Variants in PRMT1 observed in about 807,000 individuals in gnomAD.
PRMT1 encodes the protein protein arginine methyltransferase 1, also known as protein arginine N-methyltransferase 1.
In PRMT1, 5 loss-of-function variants were observed where a neutral mutation model predicts 47.4. The ratio of observed to expected loss-of-function variants is 0.11; its 90% CI spans 0.06 to 0.22. The LOEUF (loss-of-function observed/expected upper bound fraction) is 0.22, where lower values mean the gene tolerates loss of function less well. Ranked by LOEUF, PRMT1 falls within the 10% of genes least tolerant of loss-of-function variation. The pLI is 1.00. For synonymous variants in PRMT1, 227 were observed against 204.6 expected, an observed-to-expected ratio of 1.11 and a Z score of -0.94; for missense variants, 249 against 518.4, an observed-to-expected ratio of 0.48 and a Z score of 5.05.
rs370870590 is a variant in PRMT1 at position 49,688,227 on chromosome 19, C to T, written c.1098C>T (p.Thr366=). 1.3e-4 allele frequency: 208 copies of T among 1,613,812 alleles called. No individual in the cohort carries two copies. Among genetic ancestry groups the T allele is most frequent in the Non-Finnish European group, 1.6e-4 (192 of 1,179,914 alleles). ...KGQLCELSCS[T]DYRMR ...AGCTGTGCGAGCTGTCCTGCTCCAC[C>T]GACTACCGGATGCGCTGAGGCCCGG... Residue 366 remains threonine (T), a synonymous_variant, in exon 11 of 11, where the codon ACC becomes ACT. Transcript: ENST00000454376. The surrounding 1 kb of genome is among the most constrained non-coding windows in gnomAD (Gnocchi z 5.3).
rs2082240014 is a variant in PRMT1, at chr19:49,688,150, C to T, written c.1033-12C>T. The T allele has an allele frequency of 3.7e-6, 6 of 1,613,618 alleles. No individual in the cohort carries two copies. In the East Asian group the frequency reaches 1.3e-4, roughly 36 times the overall value. On this transcript the variant is annotated splice_polypyrimidine_tract_variant and intron_variant, in intron 10 of 10. Transcript: ENST00000454376. The surrounding 1 kb of genome is among the most constrained non-coding windows in gnomAD (Gnocchi z 5.3). ...GGTGGGTTCCGCCCTCATGCCCCAC[C>T]TCTCCCTGCAGCGGGACCTGGACTT...
Position 49,684,626 on chromosome 19 carries a change from G to T in PRMT1, c.556-128G>T. ...CGGCCGTGTGGGAAATAGACCAGGG[G>T]GCGAGGGGTGAGTGCCGCTGCGACA... On this transcript the variant is annotated intron_variant, in intron 6 of 10. Coordinates refer to ENST00000454376, the MANE Select transcript of PRMT1 (RefSeq NM_001536.6). The surrounding 1 kb of genome is among the most constrained non-coding windows in gnomAD (Gnocchi z 6.2). 9.1e-7 allele frequency: 1 copy of T among 1,092,978 alleles called. No homozygotes were observed. Among genetic ancestry groups the T allele is most frequent in the Non-Finnish European group, 1.3e-6 (1 of 754,816 alleles). 67.7% of individuals were successfully genotyped at this position (1,092,978 alleles called of 1,614,324 possible). A position where few individuals can be genotyped will look rare whatever the true frequency, so the allele number is the denominator to read the frequency against.
At chr19:49,677,340 G>T (rs759449611) in intron 1 of PRMT1, 24 bp downstream of exon 1, 11 of 1,388,912 alleles carry the variant, frequency 7.9e-6, no homozygotes, top group Non-Finnish European at 1.0e-5. Context: ...GCGCCGCCGT[G>T]GGCGGGAGGC....
Position 49,685,324 on chromosome 19 carries a change from G to C in PRMT1, c.759+287G>C. ...CCATGCACGGAAAGGCAGGACCCCAGGGCGATGAGCGGATGCACATGCACG... is the reference window on the plus strand; with the variant it reads ...CCATGCACGGAAAGGCAGGACCCCACGGCGATGAGCGGATGCACATGCACG... On this transcript the variant is annotated intron_variant, in intron 8 of 10. Transcript: ENST00000454376. This position sits in a 1 kb window ranked among gnomAD's most constrained non-coding sequence, Gnocchi z 4.7. 3.0e-6 allele frequency: 4 copies of C among 1,348,192 alleles called. No homozygotes were observed. Among genetic ancestry groups the C allele is most frequent in the Non-Finnish European group, 3.8e-6 (4 of 1,042,974 alleles). 83.5% of individuals were successfully genotyped at this position (1,348,192 alleles called of 1,614,324 possible).
upstream of PRMT1, among the ~76,000 whole-genome samples, chr19:49,676,684 G>A (rs1017468485): frequency 1.2e-3 from 187 of 152,286 alleles, 4 homozygotes; most frequent in Middle Eastern, 3.4e-3. Flanking sequence ...ACTCCCCCCG[G>A]GTTGGGAGGA....
At position 49,685,411 on chromosome 19, in the gene PRMT1, T is replaced by G; in HGVS notation, c.759+374T>G. ...TCCGAGATGTGCCTGAGGTCCCAGC[T>G]ACTCGGGAGGATCACTTGGGCCTGG... On this transcript the variant is annotated intron_variant, in intron 8 of 10. Coordinates refer to ENST00000454376, the MANE Select transcript of PRMT1 (RefSeq NM_001536.6). The surrounding 1 kb of genome is among the most constrained non-coding windows in gnomAD (Gnocchi z 4.7). 8.3e-7 allele frequency: 1 copy of G among 1,199,122 alleles called. No homozygotes were observed. The highest frequency in any genetic ancestry group is 1.0e-6 in the Non-Finnish European group (1 of 953,758). 74.3% of individuals were successfully genotyped at this position (1,199,122 alleles called of 1,614,324 possible). A position where few individuals can be genotyped will look rare whatever the true frequency, so the allele number is the denominator to read the frequency against.
intron 5 of PRMT1, chr19:49,683,548 C>T (rs2082153796): frequency 5.5e-6 from 1 of 180,382 alleles, no homozygotes; most frequent in South Asian, 9.7e-5. Flanking sequence ...ATTAGCCGGA[C>T]TTGGTGGCTG....
chr19:49,687,340 G>T (rs564675928), intron 10 of PRMT1, among the ~76,000 whole-genome samples: 1 of 152,188 alleles, frequency 6.6e-6, no homozygotes, highest in South Asian at 2.1e-4. Context: ...AGGATGGAAG[G>T]CTTGGAGCCT....
rs745797058 is a variant in PRMT1, at chr19:49,683,916, T to C, written c.413-11T>C. 2.5e-5 allele frequency: 41 copies of C among 1,610,202 alleles called. 1 individual carries two copies. The South Asian group carries it at 4.5e-4, about 18-fold the overall frequency. On this transcript the variant is annotated splice_polypyrimidine_tract_variant and intron_variant, in intron 5 of 10. Coordinates refer to ENST00000454376, the MANE Select transcript of PRMT1 (RefSeq NM_001536.6). ...CCGGGGGCTGACGTGGCCACCCTTG[T>C]CCGCCCGCAGTGGTGACCATCATCA...
intron 1 of PRMT1, among the ~76,000 whole-genome samples, chr19:49,679,367 GC>G (rs2122935430): frequency 6.6e-6 from 1 of 152,286 alleles, no homozygotes; most frequent in African/African-American, 2.4e-5. Flanking sequence ...GTACCCGTGT[GC>G]CACACCTCTA....
Position 49,682,612 on chromosome 19 carries a change from T to TA in PRMT1, c.412+354dup, listed in dbSNP as rs375343389. Among the ~76,000 whole-genome samples the TA allele has an allele frequency of 1.2e-3, 186 of 152,226 alleles. 1 individual carries two copies. Among genetic ancestry groups the TA allele is most frequent in the African/African-American group, 4.3e-3 (177 of 41,532 alleles). ...AAGTCTGGACCTACAAACACATACA[T>TA]ACGTAAATGCATTTACATTCTCGTG... On this transcript the variant is annotated intron_variant, in intron 5 of 10. Coordinates refer to ENST00000454376, the MANE Select transcript of PRMT1 (RefSeq NM_001536.6).
chr19:49,682,088 C>A (rs200816831), intron 4 of PRMT1, 23 bp downstream of exon 4: 2 of 1,613,398 alleles, frequency 1.2e-6, no homozygotes, highest in Admixed American at 3.3e-5. Context: ...GGTGGCCAGG[C>A]GGGGCCGGGC....
intron 9 of PRMT1, 126 bp from the exon 10 acceptor site, chr19:49,686,479 G>C (rs1034831918): frequency 8.0e-7 from 1 of 1,242,754 alleles, no homozygotes; most frequent in African/African-American, 1.5e-5. Context: ...CTCAATGACA[G>C]GGAGGTGACT....
In PRMT1 at chr19:49,685,311, A is replaced by G. The variant is rs2082188718; in HGVS notation, c.759+274A>G. 1.5e-6 allele frequency: 2 copies of G among 1,373,686 alleles called. No homozygotes were observed. The highest frequency in any genetic ancestry group is 1.5e-5 in the African/African-American group (1 of 68,462). The allele number at this position is 1,373,686 out of a possible 1,614,324, so 85.1% of individuals were successfully genotyped here. A position where few individuals can be genotyped will look rare whatever the true frequency, so the allele number is the denominator to read the frequency against. ...TAAAGCCCACAGCCCATGCACGGAA[A>G]GGCAGGACCCCAGGGCGATGAGCGG... On this transcript the variant is annotated intron_variant, in intron 8 of 10. Coordinates refer to ENST00000454376, the MANE Select transcript of PRMT1 (RefSeq NM_001536.6). The surrounding 1 kb of genome is among the most constrained non-coding windows in gnomAD (Gnocchi z 4.7).
At position 49,684,235 on chromosome 19, in the gene PRMT1, G is replaced by A. The variant is rs986739399; in HGVS notation, c.555+166G>A. Among the ~76,000 whole-genome samples the A allele has an allele frequency of 6.6e-6, 1 of 151,964 alleles. No homozygotes were observed. The highest frequency in any genetic ancestry group is 2.4e-5 in the African/African-American group (1 of 41,356). The stretch of plus-strand genomic sequence containing the variant: ...GGTGTGACAGACCCTGGAGGGAGAT[G>A]GTGCGATGTGGGGGAGGTCGTAGGA... On this transcript the variant is annotated intron_variant, in intron 6 of 10. Transcript: ENST00000454376. This position sits in a 1 kb window ranked among gnomAD's most constrained non-coding sequence, Gnocchi z 6.2.
In PRMT1 at chr19:49,677,280, G is replaced by A. The variant is rs368170311; in HGVS notation, c.-1G>A. 104 of 1,419,216 alleles carry A rather than the reference G, an allele frequency of 7.3e-5. No individual in the cohort carries two copies. The highest frequency in any genetic ancestry group is 8.9e-5 in the Non-Finnish European group (96 of 1,083,322). The allele number at this position is 1,419,216 out of a possible 1,614,324, so 87.9% of individuals were successfully genotyped here. ...CGGAGGAGGAGTAGGTGCGGGTGAA[G>A]ATGGCGGCAGCCGAGGCCGCGAACT... On this transcript the variant is annotated 5_prime_UTR_variant, in exon 1 of 11. Coordinates refer to ENST00000454376, the MANE Select transcript of PRMT1 (RefSeq NM_001536.6).
rs1194936487 is a variant in PRMT1, at chr19:49,685,969, A to G, written c.760-124A>G. 2.4e-5 allele frequency: 36 copies of G among 1,487,238 alleles called. No individual in the cohort carries two copies. The highest frequency in any genetic ancestry group is 3.1e-5 in the Non-Finnish European group (35 of 1,125,834). 92.1% of individuals were successfully genotyped at this position (1,487,238 alleles called of 1,614,324 possible). A position where few individuals can be genotyped will look rare whatever the true frequency, so the allele number is the denominator to read the frequency against. On this transcript the variant is annotated intron_variant, in intron 8 of 10. Coordinates refer to ENST00000454376, the MANE Select transcript of PRMT1 (RefSeq NM_001536.6). This position sits in a 1 kb window ranked among gnomAD's most constrained non-coding sequence, Gnocchi z 4.7. ...GAAGGAGGAGCCGAGGCTGGGTGCC[A>G]GTGAGGGAGGGCTAGCAGGAAGGGG...
At chr19:49,676,497 T>G (rs1192549899), upstream of PRMT1, 2 of 152,076 alleles carry the variant, frequency 1.3e-5, no homozygotes, top group African/African-American at 2.4e-5. Context: ...TGAGAGGGGT[T>G]GATGGTTTTA....
rs2082098905 is a variant in PRMT1 at position 49,680,356 on chromosome 19, G to A, written c.91-131G>A. 12 of 1,046,162 alleles carry A rather than the reference G, an allele frequency of 1.1e-5. 1 individual carries two copies. In the South Asian group the frequency reaches 1.6e-4, roughly 14 times the overall value. The allele number at this position is 1,046,162 out of a possible 1,614,324, so 64.8% of individuals were successfully genotyped here. A position where few individuals can be genotyped will look rare whatever the true frequency, so the allele number is the denominator to read the frequency against. On this transcript the variant is annotated intron_variant, in intron 2 of 10. Transcript: ENST00000454376. The surrounding 1 kb of genome is among the most constrained non-coding windows in gnomAD (Gnocchi z 4.2). ...CTGGGGGGGCAAGATGGCAGGCGGG[G>A]GCTGTAGGGTTGTCATGGTATGATT...
Sources: allele counts gnomAD v4.1 joint callset (sites outside exome capture counted in the v4.1 genomes callset), GRCh38; gene constraint gnomAD v4.1.1; non-coding constraint Gnocchi (gnomAD v3.1); transcripts MANE v1.5; gene names NCBI Gene and HGNC (gene_info 2026-07-23, HGNC 2026-07-21).